EIPR1: variants seen among roughly 807,000 people sequenced by gnomAD.
EIPR1 encodes EARP and GARP complex-interacting protein 1.
A neutral mutation model predicts 48.1 loss-of-function variants in EIPR1; 25 were observed. That is an observed-to-expected ratio of 0.52 (90% CI 0.38 to 0.73). The LOEUF is 0.73. Ranked by LOEUF, EIPR1 falls within the 30% of genes least tolerant of loss-of-function variation. EIPR1 has a pLI of 0.00. For synonymous variants in EIPR1, 204 were observed against 201.9 expected, an observed-to-expected ratio of 1.01 and a Z score of -0.09; for missense variants, 415 against 506.2, an observed-to-expected ratio of 0.82 and a Z score of 1.73.
chr2:3,233,022 A>T (rs1486367114), intron 4 of EIPR1, among the ~76,000 whole-genome samples: 1 of 152,216 alleles, frequency 6.6e-6, no homozygotes, highest in Admixed American at 6.5e-5. Flanking sequence ...TATGCCCATT[A>T]AAAAGTTTAA....
At chr2:3,336,548 A>C (rs1458161826) in intron 3 of EIPR1, among the ~76,000 whole-genome samples, 1 of 152,132 alleles carries the variant, frequency 6.6e-6, no homozygotes, top group African/African-American at 2.4e-5. Context: ...CAGGCGGATC[A>C]CCTGAGGTCA....
In EIPR1 at chr2:3,305,384, C is replaced by T. The variant is rs1013028738; in HGVS notation, c.259+32633G>A. Among the ~76,000 whole-genome samples, 51 of 150,256 alleles carry T rather than the reference C, an allele frequency of 3.4e-4. 1 individual carries two copies. The highest frequency in any genetic ancestry group is 1.6e-4 in the Non-Finnish European group (11 of 67,664). The stretch of plus-strand genomic sequence containing the variant: ...CTCCAGTCCCATCAGTTCAGCCCTC[C>T]ACTCCCGTCCAGTTCAACCCTCCAA... On this transcript the variant is annotated intron_variant, in intron 3 of 8. Transcript: ENST00000382125.
chr2:3,264,684 TTTTG>T lies in EIPR1; in HGVS notation c.260-7233_260-7230del, dbSNP rs143207957. On this transcript the variant is annotated intron_variant, in intron 3 of 8. Coordinates refer to ENST00000382125, the MANE Select transcript of EIPR1 (RefSeq NM_003310.5). Reference sequence around the variant, plus strand: ...GCAAAACACTATGAACCAATGCTGTTTTTGTTTGTTTGTTTGTTTGTTTGTTTTG... The same window carrying T: ...GCAAAACACTATGAACCAATGCTGTTTTTGTTTGTTTGTTTGTTTGTTTTG... Among the ~76,000 whole-genome samples the T allele has an allele frequency of 3.2e-3, 486 of 152,092 alleles. 2 individuals are homozygous for T. Among genetic ancestry groups the T allele is most frequent in the African/African-American group, 9.5e-3 (395 of 41,474 alleles).
At chr2:3,299,064 G>A (rs894041132) in intron 3 of EIPR1, among the ~76,000 whole-genome samples, 2 of 152,148 alleles carry the variant, frequency 1.3e-5, no homozygotes, top group African/African-American at 4.8e-5. Flanking sequence ...TATTAATGAG[G>A]CCAAAAAGCC....
intron 3 of EIPR1, among the ~76,000 whole-genome samples, chr2:3,302,062 G>A (rs936304891): frequency 6.6e-6 from 1 of 152,226 alleles, no homozygotes. Context: ...GGCCACGCCA[G>A]CAGTGGGAAA....
At chr2:3,202,189 G>A (rs956883122) in intron 5 of EIPR1, among the ~76,000 whole-genome samples, 22 of 152,246 alleles carry the variant, frequency 1.4e-4, no homozygotes, top group African/African-American at 3.6e-4. Context: ...CGTCCGCCTC[G>A]GCCTCCCAAA....
intron 3 of EIPR1, among the ~76,000 whole-genome samples, chr2:3,285,344 C>T (rs1310583706): frequency 6.7e-6 from 1 of 150,258 alleles, no homozygotes; most frequent in East Asian, 2.0e-4. Flanking sequence ...CCCCCACCCC[C>T]CAGGTCCCAG....
chr2:3,321,415 A>C (rs1669525752), intron 3 of EIPR1, among the ~76,000 whole-genome samples: 1 of 152,172 alleles, frequency 6.6e-6, no homozygotes, highest in African/African-American at 2.4e-5. Flanking sequence ...CCCCGTCTTT[A>C]AGCAGGCACT....
At chr2:3,202,000 G>C (rs1026996814) in intron 5 of EIPR1, among the ~76,000 whole-genome samples, 2 of 152,070 alleles carry the variant, frequency 1.3e-5, no homozygotes, top group Admixed American at 1.3e-4. Flanking sequence ...GCAGTGGCGC[G>C]ATCTCGGCTC....
chr2:3,231,000 G>A (rs1306244156), intron 4 of EIPR1, among the ~76,000 whole-genome samples: 1 of 152,096 alleles, frequency 6.6e-6, no homozygotes, highest in East Asian at 1.9e-4. Context: ...CTTTCCATTG[G>A]TTTGCATCTT....
At chr2:3,248,389 T>C (rs559446416) in intron 4 of EIPR1, among the ~76,000 whole-genome samples, 1 of 151,702 alleles carries the variant, frequency 6.6e-6, no homozygotes, top group African/African-American at 2.4e-5. Flanking sequence ...AGGTCAGGAG[T>C]TCGAGACCAG....
At chr2:3,206,384 C>T (rs1665235694) in intron 5 of EIPR1, among the ~76,000 whole-genome samples, 1 of 152,242 alleles carries the variant, frequency 6.6e-6, no homozygotes, top group Non-Finnish European at 1.5e-5. Context: ...GGCTCCCACA[C>T]ACCACCAAGG....
chr2:3,274,208 C>G (rs1667780570), intron 3 of EIPR1: 1 of 1,415,672 alleles, frequency 7.1e-7, no homozygotes. Context: ...AAACAGCAGG[C>G]ACAATATCAA....
Position 3,189,431 on chromosome 2 carries a change from G to C in EIPR1, c.1067C>G (p.Ser356Cys). 1 of 1,597,580 alleles carries C rather than the reference G, an allele frequency of 6.3e-7. No homozygotes were observed. The highest frequency in any genetic ancestry group is 1.3e-5 in the African/African-American group (1 of 74,922). ...GGCAAACAGCCACGGGTCAGCCGAGGACCAGTCCACGGCATAGACGCTGTC... is the reference window on the plus strand; with the variant it reads ...GGCAAACAGCCACGGGTCAGCCGAGCACCAGTCCACGGCATAGACGCTGTC... ...HEDSVYAVDW[S>C]SADPWLFASL... is the part of the protein sequence containing the mutation. Residue 356 changes from serine to cysteine, a missense_variant, in exon 9 of 9, where the codon TCC (serine) becomes TGC (cysteine). Ser to Cys is a moderately radical substitution (Grantham distance 112, BLOSUM62 -1). Coordinates refer to ENST00000382125, the MANE Select transcript of EIPR1 (RefSeq NM_003310.5). The surrounding 1 kb of genome is among the most constrained non-coding windows in gnomAD (Gnocchi z 4.6).
intron 4 of EIPR1, among the ~76,000 whole-genome samples, chr2:3,228,336 T>TG (rs1386790304): frequency 6.6e-6 from 1 of 152,262 alleles, no homozygotes; most frequent in Non-Finnish European, 1.5e-5. Context: ...TCAACTTGCC[T>TG]GGGGCCTGTA....
intron 3 of EIPR1, among the ~76,000 whole-genome samples, chr2:3,277,369 T>A (rs1667884545): frequency 6.6e-6 from 1 of 152,202 alleles, no homozygotes; most frequent in African/African-American, 2.4e-5. Context: ...TTTCTGGGAA[T>A]AATTTACATA....
chr2:3,202,071 G>A (rs889270703), intron 5 of EIPR1, among the ~76,000 whole-genome samples: 1 of 151,844 alleles, frequency 6.6e-6, no homozygotes, highest in Non-Finnish European at 1.5e-5. Context: ...CCGAGTAGCT[G>A]GGACTACAGG....
At chr2:3,266,133 C>G (rs1489122401) in intron 3 of EIPR1, among the ~76,000 whole-genome samples, 1 of 152,204 alleles carries the variant, frequency 6.6e-6, no homozygotes, top group Admixed American at 6.5e-5. Flanking sequence ...TACAGGAATT[C>G]AAAGGAGATC....
At chr2:3,265,242 C>T (rs749863482) in intron 3 of EIPR1, among the ~76,000 whole-genome samples, 5 of 152,106 alleles carry the variant, frequency 3.3e-5, no homozygotes, top group African/African-American at 7.2e-5. Flanking sequence ...AAAAAATGAA[C>T]GAAGCTGCAC....
Sources: allele counts gnomAD v4.1 joint callset (sites outside exome capture counted in the v4.1 genomes callset), GRCh38; gene constraint gnomAD v4.1.1; non-coding constraint Gnocchi (gnomAD v3.1); transcripts MANE v1.5; gene names NCBI Gene and HGNC (gene_info 2026-07-23, HGNC 2026-07-21).